NALF1: variants seen among roughly 807,000 people sequenced by gnomAD.
NALF1 encodes NALCN channel auxiliary factor 1.
NALF1 carries 3 observed loss-of-function variants against 48.4 expected under a neutral mutation model. The observed-to-expected ratio is 0.06, with a 90% CI of 0.03 to 0.16. NALF1 has a LOEUF of 0.16. Among genes scored for constraint, NALF1 ranks in the 10% least tolerant of loss-of-function variants. NALF1 has a pLI of 1.00. For missense variants in NALF1, 526 were observed against 571.5 expected, an observed-to-expected ratio of 0.92 and a Z score of 0.81; for synonymous variants, 262 against 245.7, an observed-to-expected ratio of 1.07 and a Z score of -0.62.
intron 1 of NALF1, among the ~76,000 whole-genome samples, chr13:107,279,775 T>C (rs187807814): frequency 2.6e-5 from 4 of 152,282 alleles, no homozygotes; most frequent in Non-Finnish European, 5.9e-5. Flanking sequence ...TTTTCTATCA[T>C]CAAACCCCAT....
intron 1 of NALF1, among the ~76,000 whole-genome samples, chr13:107,553,475 T>A (rs1370597950): frequency 6.6e-6 from 1 of 152,228 alleles, no homozygotes; most frequent in East Asian, 1.9e-4. Flanking sequence ...AGAGAGTATT[T>A]ACATGTGTAA....
chr13:107,539,533 A>C (rs1404355801), intron 1 of NALF1, among the ~76,000 whole-genome samples: 1 of 152,166 alleles, frequency 6.6e-6, no homozygotes, highest in Non-Finnish European at 1.5e-5. Flanking sequence ...CAATCAAAGA[A>C]TGTTTGCTCA....
intron 1 of NALF1, among the ~76,000 whole-genome samples, chr13:107,482,411 C>T (rs1245706043): frequency 2.0e-5 from 3 of 152,034 alleles, no homozygotes; most frequent in African/African-American, 7.3e-5. Flanking sequence ...ACCCAGGGGC[C>T]TCGCTGAGGA....
In NALF1 at chr13:107,866,506, C is replaced by G; in HGVS notation, c.91G>C (p.Asp31His). Residue 31 changes from aspartate to histidine, a missense_variant, in exon 1 of 3, where the codon GAT (aspartate) becomes CAT (histidine). Transcript: ENST00000375915. The surrounding 1 kb of genome is among the most constrained non-coding windows in gnomAD (Gnocchi z 4.4). ...CGCCATTTCTGAGCCCTCTCGGAAT[C>G]GATGAACGGTTTCTCGTTCTCTCGG... ...APRENEKPFI[D>H]SERAQKWRLS... The G allele has an allele frequency of 6.2e-7, 1 of 1,613,982 alleles. No homozygotes were observed. The highest frequency in any genetic ancestry group is 1.1e-5 in the South Asian group (1 of 91,060).
chr13:107,277,461 C>G (rs1881303748), intron 1 of NALF1, among the ~76,000 whole-genome samples: 1 of 152,176 alleles, frequency 6.6e-6, no homozygotes. Flanking sequence ...GGAAAGCTTT[C>G]TATCCCTTTC....
intron 1 of NALF1, among the ~76,000 whole-genome samples, chr13:107,726,852 C>A (rs1876166007): frequency 6.6e-6 from 1 of 151,894 alleles, no homozygotes; most frequent in Non-Finnish European, 1.5e-5. Context: ...GATCCACCCT[C>A]CTTGGCCTCC....
intron 1 of NALF1, among the ~76,000 whole-genome samples, chr13:107,219,801 A>G (rs1256975299): frequency 6.6e-6 from 1 of 152,226 alleles, no homozygotes; most frequent in Admixed American, 6.5e-5. Flanking sequence ...CACTTAGTAG[A>G]AATGGGCAAA....
chr13:107,354,081 C>A (rs1389558456), intron 1 of NALF1, among the ~76,000 whole-genome samples: 3 of 152,106 alleles, frequency 2.0e-5, no homozygotes, highest in Non-Finnish European at 4.4e-5. Context: ...AACATCAAAG[C>A]CCTAATTCTT....
intron 1 of NALF1, among the ~76,000 whole-genome samples, chr13:107,814,619 T>A (rs1319039995): frequency 6.6e-6 from 1 of 152,050 alleles, no homozygotes; most frequent in African/African-American, 2.4e-5. Flanking sequence ...AAAAGGGTCA[T>A]CTCATCAGGA....
chr13:107,732,390 G>A (rs1876334237), intron 1 of NALF1, among the ~76,000 whole-genome samples: 1 of 152,112 alleles, frequency 6.6e-6, no homozygotes, highest in East Asian at 1.9e-4. Context: ...AGTGTACACA[G>A]TGGGTTTTCA....
chr13:107,174,576 T>G (rs1878877477), intron 2 of NALF1, among the ~76,000 whole-genome samples: 1 of 151,896 alleles, frequency 6.6e-6, no homozygotes, highest in Non-Finnish European at 1.5e-5. Context: ...AGGATGGTCT[T>G]GATCTCTTGA....
intron 1 of NALF1, among the ~76,000 whole-genome samples, chr13:107,642,162 C>T (rs887683806): frequency 4.6e-5 from 7 of 152,266 alleles, no homozygotes; most frequent in African/African-American, 1.4e-4. Context: ...ACAGTAAAAG[C>T]TGAGACGCTC....
chr13:107,660,434 AAAACAC>A (rs1406575267), intron 1 of NALF1, among the ~76,000 whole-genome samples: 25 of 96,630 alleles, frequency 2.6e-4, no homozygotes, highest in Non-Finnish European at 4.5e-4. Context: ...CTCTGTCTCA[AAAACAC>A]ACACACACAC....
Position 107,498,880 on chromosome 13 carries a change from G to A in NALF1, c.916-288125C>T, listed in dbSNP as rs562603183. On this transcript the variant is annotated intron_variant, in intron 1 of 2. Coordinates refer to ENST00000375915, the MANE Select transcript of NALF1 (RefSeq NM_001080396.3). ...AATCTCTGAGAGAACAGCTAGAAGC[G>A]CAGTTTTCATTCAGAACCATTAAAA... Among the ~76,000 whole-genome samples, 7 of 152,232 alleles carry A rather than the reference G, an allele frequency of 4.6e-5. No homozygotes were observed. The South Asian group carries it at 1.0e-3, about 23-fold the overall frequency.
intron 1 of NALF1, among the ~76,000 whole-genome samples, chr13:107,592,843 T>C (rs987187782): frequency 6.6e-6 from 1 of 151,884 alleles, no homozygotes; most frequent in Non-Finnish European, 1.5e-5. Context: ...AAAAATGAAA[T>C]CCTCTCTGGA....
At chr13:107,581,567 G>C (rs1470408700) in intron 1 of NALF1, among the ~76,000 whole-genome samples, 5 of 152,124 alleles carry the variant, frequency 3.3e-5, no homozygotes, top group Admixed American at 3.3e-4. Flanking sequence ...TGTGTAAAGA[G>C]AGAAGGATCC....
rs534333985 is a variant in NALF1, at chr13:107,505,906, A to ACATCAT, written c.916-295157_916-295152dup. Among the ~76,000 whole-genome samples, 352 of 152,298 alleles carry ACATCAT rather than the reference A, an allele frequency of 2.3e-3. 1 individual carries two copies. The highest frequency in any genetic ancestry group is 0.015 in the Admixed American group (236 of 15,266). ...ATATTAAAAACTCGGTGGAGAGAGA[A>ACATCAT]CATCATCGGCAGAGTGGTTTGCCTC... is the stretch of plus-strand genomic sequence containing the variant. On this transcript the variant is annotated intron_variant, in intron 1 of 2. Coordinates refer to ENST00000375915, the MANE Select transcript of NALF1 (RefSeq NM_001080396.3).
At chr13:107,364,232 A>T (rs746080966) in intron 1 of NALF1, among the ~76,000 whole-genome samples, 2 of 152,220 alleles carry the variant, frequency 1.3e-5, no homozygotes, top group Non-Finnish European at 2.9e-5. Flanking sequence ...TGATAAATGG[A>T]TCTAATTTTG....
intron 1 of NALF1, among the ~76,000 whole-genome samples, chr13:107,681,691 C>T (rs1881308362): frequency 1.3e-5 from 2 of 152,138 alleles, no homozygotes; most frequent in Admixed American, 1.3e-4. Context: ...ACATCTGGAT[C>T]CTGCTCTCAT....
Sources: gnomAD v4.1 joint callset for allele counts (sites outside exome capture counted in the v4.1 genomes callset) on GRCh38, gnomAD v4.1.1 for gene constraint, Gnocchi (gnomAD v3.1) non-coding constraint, MANE v1.5 for transcripts, NCBI Gene and HGNC (gene_info 2026-07-23, HGNC 2026-07-21) for gene names.